The following CCDC60 variants were observed in gnomAD, a reference collection of about 807,000 sequenced individuals.
CCDC60 encodes the protein coiled-coil domain containing 60, also known as coiled-coil domain-containing protein 60.
Under a neutral mutation model 63.5 loss-of-function variants are expected in CCDC60, and 54 were observed. The observed-to-expected ratio is 0.85, with a 90% CI of 0.68 to 1.07. CCDC60 has a LOEUF of 1.07. CCDC60 is among the 50% of genes least tolerant of loss of function. The probability of loss-of-function intolerance (pLI) is 0.00; values close to 1 mark genes in which losing one functional copy is unlikely to be tolerated. For missense variants in CCDC60, 651 were observed against 684.3 expected (o/e 0.95, Z 0.54); for synonymous variants, 206 against 238.8 (o/e 0.86, Z 1.27).
At chr12:119,473,904 A>G (rs577555392) in intron 3 of CCDC60, among the ~76,000 whole-genome samples, 1 of 152,240 alleles carries the variant, frequency 6.6e-6, no homozygotes, top group South Asian at 2.1e-4. Flanking sequence ...TATTTTTGCA[A>G]TTGTGAATTG....
chr12:119,429,062 T>C (rs1956951121), intron 2 of CCDC60: 1 of 278,194 alleles, frequency 3.6e-6, no homozygotes, highest in East Asian at 7.2e-5. Flanking sequence ...CCTTCCCTTT[T>C]TTACTCCAGA....
At chr12:119,493,953 C>T (rs1374827047) in intron 5 of CCDC60, among the ~76,000 whole-genome samples, 1 of 151,998 alleles carries the variant, frequency 6.6e-6, no homozygotes, top group Non-Finnish European at 1.5e-5. Flanking sequence ...CTGCAGAAAA[C>T]AAATAAGTGA....
At chr12:119,441,709 T>C (rs1244585322) in intron 2 of CCDC60, among the ~76,000 whole-genome samples, 1 of 152,248 alleles carries the variant, frequency 6.6e-6, no homozygotes, top group Non-Finnish European at 1.5e-5. Flanking sequence ...ATCCATATTG[T>C]CTCTATTACT....
At chr12:119,416,818 A>C (rs559551821) in intron 1 of CCDC60, among the ~76,000 whole-genome samples, 23 of 152,230 alleles carry the variant, frequency 1.5e-4, no homozygotes, top group African/African-American at 5.5e-4. Context: ...TTTAGAATGG[A>C]GTCTTTATAA....
chr12:119,507,529 C>A (rs1037366963), intron 7 of CCDC60, among the ~76,000 whole-genome samples: 4 of 118,878 alleles, frequency 3.4e-5, no homozygotes, highest in Non-Finnish European at 6.7e-5. Flanking sequence ...TATATATACA[C>A]ATATATATAC....
chr12:119,433,485 C>T (rs1950270871), intron 2 of CCDC60: 1 of 702,356 alleles, frequency 1.4e-6, no homozygotes, highest in Non-Finnish European at 2.6e-6. Flanking sequence ...TCCATCTGGC[C>T]ACACTTCTGG....
At chr12:119,433,494 G>A (rs1950271172) in intron 2 of CCDC60, 2 of 702,296 alleles carry the variant, frequency 2.8e-6, no homozygotes, top group East Asian at 5.4e-5. Flanking sequence ...CCACACTTCT[G>A]GATCCCACCA....
chr12:119,365,752 T>C (rs1403010144), intron 1 of CCDC60, among the ~76,000 whole-genome samples: 4 of 152,240 alleles, frequency 2.6e-5, no homozygotes, highest in Non-Finnish European at 5.9e-5. Context: ...CTGCATGTAA[T>C]TTGTTTCCTT....
chr12:119,496,868 A>G (rs1184899446), intron 5 of CCDC60, among the ~76,000 whole-genome samples: 1 of 152,218 alleles, frequency 6.6e-6, no homozygotes, highest in Non-Finnish European at 1.5e-5. Flanking sequence ...GACTTGCCCG[A>G]GGTCACACAG....
chr12:119,483,869 C>G (rs1380441716), intron 4 of CCDC60, among the ~76,000 whole-genome samples: 1 of 151,764 alleles, frequency 6.6e-6, no homozygotes, highest in Non-Finnish European at 1.5e-5. Context: ...ATCCAAGATA[C>G]TATGCTATGA....
chr12:119,409,564 C>T lies in CCDC60; in HGVS notation c.91-19119C>T, dbSNP rs528674198. ...ATTGTCCCCAAAATGTACTCCAGCC[C>T]TCACACCAACAAACAATTAAGAAAT... On this transcript the variant is annotated intron_variant, in intron 1 of 13. Transcript: ENST00000327554. Among the ~76,000 whole-genome samples the T allele has an allele frequency of 5.0e-4, 76 of 152,286 alleles. 1 individual carries two copies. Among genetic ancestry groups the T allele is most frequent in the Admixed American group, 3.8e-3 (58 of 15,288 alleles).
chr12:119,404,972 T>G (rs776017322), intron 1 of CCDC60, among the ~76,000 whole-genome samples: 1 of 152,138 alleles, frequency 6.6e-6, no homozygotes, highest in Non-Finnish European at 1.5e-5. Context: ...CCTGCTTGGG[T>G]CTCTGATTAA....
At chr12:119,464,300 A>ACCC (rs150577538) in intron 2 of CCDC60, among the ~76,000 whole-genome samples, 10 of 53,650 alleles carry the variant, frequency 1.9e-4, no homozygotes, top group Non-Finnish European at 3.2e-4. Context: ...TGCAAGAGCA[A>ACCC]CCCCCCCCCC....
intron 3 of CCDC60, among the ~76,000 whole-genome samples, chr12:119,476,204 T>C (rs1479970755): frequency 6.6e-6 from 1 of 152,158 alleles, no homozygotes; most frequent in East Asian, 1.9e-4. Context: ...TCTTTCCCAC[T>C]GTGCTCAGTG....
intron 1 of CCDC60, among the ~76,000 whole-genome samples, chr12:119,365,413 T>A (rs1389690075): frequency 6.6e-6 from 1 of 152,236 alleles, no homozygotes; most frequent in Non-Finnish European, 1.5e-5. Context: ...TTTAGTTCAT[T>A]GTTTAAATTA....
chr12:119,444,963 T>TA (rs566946010), intron 2 of CCDC60, among the ~76,000 whole-genome samples: 200 of 151,824 alleles, frequency 1.3e-3, no homozygotes, highest in Non-Finnish European at 2.3e-3. Context: ...ATATAGTACA[T>TA]AAAGCATTTT....
At chr12:119,467,490 C>T (rs776943543) in intron 2 of CCDC60, among the ~76,000 whole-genome samples, 12 of 152,218 alleles carry the variant, frequency 7.9e-5, no homozygotes, top group Non-Finnish European at 1.6e-4. Flanking sequence ...CTGGAGAGCT[C>T]TCTAGCTCTC....
intron 1 of CCDC60, among the ~76,000 whole-genome samples, chr12:119,400,268 C>T (rs1956368256): frequency 6.6e-6 from 1 of 152,174 alleles, no homozygotes; most frequent in South Asian, 2.1e-4. Context: ...CCAGGATGGT[C>T]TCGATCTCCT....
chr12:119,467,846 T>A (rs1269249401), intron 2 of CCDC60, among the ~76,000 whole-genome samples: 4 of 152,224 alleles, frequency 2.6e-5, no homozygotes, highest in Admixed American at 2.6e-4. Context: ...CGCTAACGGT[T>A]TTCTTTTTAT....
Sources: gnomAD v4.1 joint callset for allele counts (sites outside exome capture counted in the v4.1 genomes callset) on GRCh38, gnomAD v4.1.1 for gene constraint, MANE v1.5 for transcripts, NCBI Gene and HGNC (gene_info 2026-07-23, HGNC 2026-07-21) for gene names.